DUT: variants seen among roughly 807,000 people sequenced by gnomAD.
DUT encodes deoxyuridine 5'-triphosphate nucleotidohydrolase, mitochondrial.
A neutral mutation model predicts 28.8 loss-of-function variants in DUT; 21 were observed. The observed-to-expected ratio is 0.73, with a 90% CI of 0.52 to 1.05. DUT has a LOEUF of 1.05. Among genes scored for constraint, DUT ranks in the 50% least tolerant of loss-of-function variants. The pLI is 0.00. For missense variants in DUT, 344 were observed against 351.8 expected (o/e 0.98, Z 0.18); for synonymous variants, 147 against 143.7 (o/e 1.02, Z -0.17).
At chr15:48,332,778 T>G (rs1243315279) in intron 2 of DUT, 2 of 495,326 alleles carry the variant, frequency 4.0e-6, no homozygotes, top group Non-Finnish European at 7.9e-6. Flanking sequence ...CTAAGAAGGA[T>G]GAACGAAGAT....
In DUT at chr15:48,331,650, C is replaced by G; in HGVS notation, c.135C>G (p.Leu45=). 1 of 1,538,938 alleles carries G rather than the reference C, an allele frequency of 6.5e-7. No individual in the cohort carries two copies. The highest frequency in any genetic ancestry group is 8.8e-7 in the Non-Finnish European group (1 of 1,142,324). Residue 45 remains leucine (L), a synonymous_variant, in exon 1 of 7, where the codon CTC becomes CTG. Coordinates refer to ENST00000331200, the MANE Select transcript of DUT (RefSeq NM_001025248.2). ...TACTCTCCGGGCCAGGCCCGCCCCT[C>G]GGCCGCGCCGCGCAGCACGGGATTC... The part of the protein sequence containing the change: ...AAVLSGPGPP[L]GRAAQHGIPR...
intron 2 of DUT, 27 bp from the exon 3 acceptor site, chr15:48,334,390 A>T (rs2042452433): frequency 4.3e-6 from 6 of 1,385,536 alleles, no homozygotes; most frequent in Non-Finnish European, 6.0e-6. Flanking sequence ...ATAGATTTGC[A>T]GTTATTTTCT....
intron 1 of DUT, chr15:48,332,037 T>G: frequency 9.6e-7 from 1 of 1,041,270 alleles, no homozygotes. Context: ...CCCAGTAGTT[T>G]CCCATCCCAA....
Position 48,341,209 on chromosome 15 carries a change from G to A in DUT, c.557-80G>A, listed in dbSNP as rs2042530166. 5 of 814,644 alleles carry A rather than the reference G, an allele frequency of 6.1e-6. No individual in the cohort carries two copies. The South Asian group carries it at 7.4e-5, about 12-fold the overall frequency. 50.5% of individuals were successfully genotyped at this position (814,644 alleles called of 1,614,324 possible). On this transcript the variant is annotated intron_variant, in intron 4 of 6. Transcript: ENST00000331200. ...AAGAATACAAATCTCAGAGCTACAT[G>A]ATAATGATTTTGAGATAATCTTACA...
chr15:48,339,089 C>T (rs549386271), intron 4 of DUT, among the ~76,000 whole-genome samples: 3 of 152,158 alleles, frequency 2.0e-5, no homozygotes, highest in African/African-American at 7.2e-5. Flanking sequence ...ATACTCCTGC[C>T]TGGGCTATAA....
chr15:48,334,539 G>C, intron 3 of DUT, 31 bp downstream of exon 3: 1 of 1,478,810 alleles, frequency 6.8e-7, no homozygotes, highest in East Asian at 2.3e-5. Flanking sequence ...GTAACTATTT[G>C]TCAAGTTCTC....
At chr15:48,340,555 G>GT (rs1032425754) in intron 4 of DUT, among the ~76,000 whole-genome samples, 38 of 152,252 alleles carry the variant, frequency 2.5e-4, no homozygotes, top group African/African-American at 8.9e-4. Flanking sequence ...AGCAAGTCTG[G>GT]TAAGTATAAC....
Position 48,342,199 on chromosome 15 carries a change from A to AAAG in DUT, c.*122_*124dup. 5.9e-6 allele frequency: 3 copies of AAAG among 508,442 alleles called. No individual in the cohort carries two copies. 31.5% of individuals were successfully genotyped at this position (508,442 alleles called of 1,614,324 possible). ...GTAAACTTACTAGCTTTACCTTCTA[A>AAAG]AAGTACTGCATTTTTTACTTTTTTT... On this transcript the variant is annotated 3_prime_UTR_variant, in exon 7 of 7. Transcript: ENST00000331200.
intron 4 of DUT, among the ~76,000 whole-genome samples, chr15:48,340,941 C>T (rs1566875320): frequency 6.6e-6 from 1 of 152,094 alleles, no homozygotes; most frequent in Non-Finnish European, 1.5e-5. Flanking sequence ...CAGGAAAAAC[C>T]TTTAAAACCC....
At chr15:48,334,295 A>T in intron 2 of DUT, 122 bp from the exon 3 acceptor site, 3 of 561,868 alleles carry the variant, frequency 5.3e-6, no homozygotes, top group Non-Finnish European at 8.9e-6. Context: ...TGATTTTAGA[A>T]ACTAAAGTTG....
At chr15:48,335,328 C>CAAT (rs1471513286) in intron 3 of DUT, among the ~76,000 whole-genome samples, 3 of 152,072 alleles carry the variant, frequency 2.0e-5, no homozygotes, top group Non-Finnish European at 4.4e-5. Context: ...CTTGAGTCTG[C>CAAT]AATAATAAGG....
At chr15:48,335,337 G>A (rs537536313) in intron 3 of DUT, among the ~76,000 whole-genome samples, 1 of 152,124 alleles carries the variant, frequency 6.6e-6, no homozygotes, top group Non-Finnish European at 1.5e-5. Flanking sequence ...GCAATAATAA[G>A]GTGTAACCTT....
At chr15:48,341,108 T>C (rs1181835469) in intron 4 of DUT, 181 bp from the exon 5 acceptor site, 5 of 457,332 alleles carry the variant, frequency 1.1e-5, no homozygotes, top group African/African-American at 2.0e-5. Context: ...TAAATTTTTA[T>C]TTGTATTTTA....
At chr15:48,339,765 G>A (rs1224917149) in intron 4 of DUT, among the ~76,000 whole-genome samples, 1 of 152,090 alleles carries the variant, frequency 6.6e-6, no homozygotes, top group African/African-American at 2.4e-5. Flanking sequence ...CACTCTTCTC[G>A]TAAAAGTGTT....
intron 5 of DUT, 42 bp downstream of exon 5, chr15:48,341,405 CAG>C (rs777710704): frequency 1.8e-5 from 29 of 1,568,072 alleles, no homozygotes; most frequent in Middle Eastern, 1.7e-4. Flanking sequence ...AGTGAATTTT[CAG>C]AGTCATGTAT....
rs201973481 is a variant in DUT at position 48,333,096 on chromosome 15, CT to C, written c.419+691del. Among the ~76,000 whole-genome samples the C allele has an allele frequency of 4.7e-3, 706 of 151,198 alleles. 6 individuals are homozygous for C. Among genetic ancestry groups the C allele is most frequent in the African/African-American group, 0.017 (689 of 41,146 alleles). On this transcript the variant is annotated intron_variant, in intron 2 of 6. Transcript: ENST00000331200. ...GGGCTTTTTTTTTTTCATCTGACTACTGTGCCCAGTTCTTAGAACCATTAAG... is the reference window on the plus strand; with the variant it reads ...GGGCTTTTTTTTTTTCATCTGACTACGTGCCCAGTTCTTAGAACCATTAAG...
Position 48,331,573 on chromosome 15 carries a change from C to T in DUT, c.58C>T (p.Arg20Cys), listed in dbSNP as rs2042409935. Residue 20 changes from arginine to cysteine, a missense_variant, in exon 1 of 7, where the codon CGC (arginine) becomes TGC (cysteine). Arg to Cys is a radical substitution (Grantham distance 180). Coordinates refer to ENST00000331200, the MANE Select transcript of DUT (RefSeq NM_001025248.2). ...LCYHFLTSLLRSAMQNARGAR... is the reference protein window; with the variant it reads ...LCYHFLTSLLCSAMQNARGAR... ...CTACCATTTCCTTACGTCTCTGCTTCGCTCAGCGATGCAAAACGCGCGAGG... is the reference window on the plus strand; with the variant it reads ...CTACCATTTCCTTACGTCTCTGCTTTGCTCAGCGATGCAAAACGCGCGAGG... 2 of 1,605,278 alleles carry T rather than the reference C, an allele frequency of 1.2e-6. No homozygotes were observed. The highest frequency in any genetic ancestry group is 1.7e-6 in the Non-Finnish European group (2 of 1,176,670).
At chr15:48,335,905 T>A in intron 3 of DUT, 141 bp from the exon 4 acceptor site, 1 of 669,362 alleles carries the variant, frequency 1.5e-6, no homozygotes, top group South Asian at 1.9e-5. Context: ...ATATATTCTT[T>A]AATTCAAAAC....
Position 48,341,273 on chromosome 15 carries a change from C to G in DUT, c.557-16C>G, listed in dbSNP as rs772804852. Reference sequence around the variant, plus strand: ...AATAGCAAAAATTGAGATAATATTACTTTTCTTTTCTCTAGCTGGTGTCAT... The same window carrying G: ...AATAGCAAAAATTGAGATAATATTAGTTTTCTTTTCTCTAGCTGGTGTCAT... On this transcript the variant is annotated splice_polypyrimidine_tract_variant and intron_variant, in intron 4 of 6. Transcript: ENST00000331200. 1.3e-6 allele frequency: 2 copies of G among 1,541,182 alleles called. No homozygotes were observed. The highest frequency in any genetic ancestry group is 1.8e-6 in the Non-Finnish European group (2 of 1,135,844).
Sources: gnomAD v4.1 joint callset for allele counts (sites outside exome capture counted in the v4.1 genomes callset) on GRCh38, gnomAD v4.1.1 for gene constraint, MANE v1.5 for transcripts, NCBI Gene and HGNC (gene_info 2026-07-23, HGNC 2026-07-21) for gene names.